KLF8: variants seen among roughly 807,000 people sequenced by gnomAD.
KLF8 encodes KLF transcription factor 8.
KLF8 carries 10 observed loss-of-function variants against 18.2 expected under a neutral mutation model. That is an observed-to-expected ratio of 0.55 (90% CI 0.34 to 0.93). KLF8 has a LOEUF of 0.93. Ranked by LOEUF, KLF8 falls within the 40% of genes least tolerant of loss-of-function variation. The pLI, the probability that KLF8 is intolerant of heterozygous loss-of-function variation, is 0.02. For missense variants in KLF8, 264 were observed against 277.9 expected (o/e 0.95, Z 0.36); for synonymous variants, 109 against 97.3 (o/e 1.12, Z -0.71).
the KLF8 span, among the ~76,000 whole-genome samples, chrX:56,180,399 T>A: frequency 1.8e-5 from 2 of 111,742 alleles, no homozygotes; most frequent in East Asian, 5.6e-4. Context: ...ATTTTATTGA[T>A]CTTTTCCAAA....
the KLF8 span, among the ~76,000 whole-genome samples, chrX:55,918,360 C>T: frequency 2.7e-5 from 3 of 111,971 alleles, no homozygotes; most frequent in Non-Finnish European, 5.6e-5. Flanking sequence ...ATATGTAGAT[C>T]ATGCATATAG....
chrX:55,995,260 T>C, the KLF8 span, among the ~76,000 whole-genome samples: 2 of 112,769 alleles, frequency 1.8e-5, no homozygotes, highest in African/African-American at 6.4e-5. Flanking sequence ...TCATTCACTT[T>C]ACTTTGAGTC....
chrX:56,204,533 T>C, the KLF8 span, among the ~76,000 whole-genome samples: 1 of 111,648 alleles, frequency 9.0e-6, no homozygotes, highest in African/African-American at 3.3e-5. Context: ...TGTTTTCTCA[T>C]TGAGTATGGT....
the KLF8 span, among the ~76,000 whole-genome samples, chrX:56,121,941 C>T: frequency 8.9e-6 from 1 of 111,901 alleles, no homozygotes; most frequent in Non-Finnish European, 1.9e-5. Context: ...TCAGTATCTA[C>T]ATCTGCAAAA....
chrX:56,229,227 GAGA>G (rs1216771192), upstream of KLF8, among the ~76,000 whole-genome samples: 4 of 111,454 alleles, frequency 3.6e-5, no homozygotes, highest in East Asian at 2.8e-4. Flanking sequence ...AGAGGAGAAA[GAGA>G]AGAAGGGAAG....
At chrX:56,223,726 A>T in the KLF8 span, among the ~76,000 whole-genome samples, 4 of 112,229 alleles carry the variant, frequency 3.6e-5, no homozygotes, top group Admixed American at 9.4e-5. Flanking sequence ...ACTAAGCCAA[A>T]TTTCTAAGCA....
At chrX:55,945,131 T>A in the KLF8 span, among the ~76,000 whole-genome samples, 1 of 111,180 alleles carries the variant, frequency 9.0e-6, no homozygotes, top group Non-Finnish European at 1.9e-5. Flanking sequence ...TTCCATGTAG[T>A]TGAGTGGTTT....
the KLF8 span, among the ~76,000 whole-genome samples, chrX:56,031,495 G>A: frequency 8.9e-6 from 1 of 111,983 alleles, no homozygotes; most frequent in African/African-American, 3.2e-5. Context: ...TTCCTTCCCT[G>A]TGTTCAGCCA....
the KLF8 span, among the ~76,000 whole-genome samples, chrX:56,116,979 T>G: frequency 2.3e-4 from 25 of 110,963 alleles, no homozygotes; most frequent in Non-Finnish European, 4.1e-4. Context: ...AACTTTCTAA[T>G]AAGTTAGAAC....
the KLF8 span, among the ~76,000 whole-genome samples, chrX:56,187,193 C>G: frequency 9.0e-6 from 1 of 111,591 alleles, no homozygotes; most frequent in Non-Finnish European, 1.9e-5. Flanking sequence ...AAGGGGATAT[C>G]ACCATCGATC....
the KLF8 span, among the ~76,000 whole-genome samples, chrX:56,061,978 A>G: frequency 6.4e-5 from 5 of 78,031 alleles, no homozygotes; most frequent in African/African-American, 3.5e-4. Context: ...CCAGGATTGC[A>G]ACCCCTGCTT....
At chrX:56,049,819 T>C in the KLF8 span, among the ~76,000 whole-genome samples, 5 of 109,822 alleles carry the variant, frequency 4.6e-5, no homozygotes, top group East Asian at 8.5e-4. Context: ...TTTCTATTGA[T>C]TGGAATAGCT....
the KLF8 span, among the ~76,000 whole-genome samples, chrX:55,964,412 T>TA: frequency 9.0e-6 from 1 of 111,006 alleles, no homozygotes; most frequent in South Asian, 3.8e-4. Flanking sequence ...TTCACCTGTA[T>TA]AAAAAAATGC....
At chrX:56,188,921 A>G in the KLF8 span, among the ~76,000 whole-genome samples, 1 of 112,080 alleles carries the variant, frequency 8.9e-6, no homozygotes, top group Non-Finnish European at 1.9e-5. Flanking sequence ...AAAACCCTAG[A>G]AGAAAACCTA....
At chrX:56,057,169 G>C in the KLF8 span, among the ~76,000 whole-genome samples, 3 of 111,790 alleles carry the variant, frequency 2.7e-5, no homozygotes, top group East Asian at 8.5e-4. Flanking sequence ...TCTGGGGGGC[G>C]TAGGTCTGTG....
At chrX:56,121,075 A>G in the KLF8 span, among the ~76,000 whole-genome samples, 1 of 107,391 alleles carries the variant, frequency 9.3e-6, no homozygotes, top group Admixed American at 1.0e-4. Flanking sequence ...AGTCCCTGCT[A>G]TTCGGGAGGC....
chrX:56,258,565 G>A (rs902040653), intron 2 of KLF8, among the ~76,000 whole-genome samples: 7 of 112,157 alleles, frequency 6.2e-5, no homozygotes, highest in African/African-American at 1.6e-4. Flanking sequence ...GTGAGCCACC[G>A]CACCTGGCCA....
the KLF8 span, among the ~76,000 whole-genome samples, chrX:56,173,014 A>G: frequency 8.9e-6 from 1 of 111,857 alleles, no homozygotes; most frequent in Non-Finnish European, 1.9e-5. Flanking sequence ...TTGTCAGATG[A>G]GAACATTGCA....
At chrX:56,216,985 A>T in the KLF8 span, among the ~76,000 whole-genome samples, 1 of 111,567 alleles carries the variant, frequency 9.0e-6, no homozygotes, top group South Asian at 3.7e-4. Context: ...CTCTCATAGC[A>T]TATAGTATGT....
Sources: allele counts gnomAD v4.1 joint callset (sites outside exome capture counted in the v4.1 genomes callset), GRCh38; gene constraint gnomAD v4.1.1; transcripts MANE v1.5; gene names NCBI Gene and HGNC (gene_info 2026-07-23, HGNC 2026-07-21).